Variants in ADARB2 observed in about 807,000 individuals in gnomAD.
ADARB2 encodes adenosine deaminase RNA specific B2 (inactive).
Under a neutral mutation model 62.2 loss-of-function variants are expected in ADARB2, and 25 were observed. The observed-to-expected ratio is 0.40, with a 90% CI of 0.29 to 0.56. The LOEUF is 0.56. Among genes scored for constraint, ADARB2 ranks in the 20% least tolerant of loss-of-function variants. The probability of loss-of-function intolerance (pLI) is 0.43; values close to 1 mark genes in which losing one functional copy is unlikely to be tolerated. For missense variants in ADARB2, 1,071 were observed against 1,077.4 expected (o/e 0.99, Z 0.08); for synonymous variants, 572 against 500.8 (o/e 1.14, Z -1.90).
intron 1 of ADARB2, among the ~76,000 whole-genome samples, chr10:1,582,926 T>C (rs1322336132): frequency 1.3e-5 from 2 of 152,326 alleles, no homozygotes; most frequent in East Asian, 3.9e-4. Flanking sequence ...TTAATGACAC[T>C]ACAGAGCAGT....
chr10:1,332,993 C>A (rs924087613), intron 3 of ADARB2, among the ~76,000 whole-genome samples: 41 of 152,220 alleles, frequency 2.7e-4, no homozygotes, highest in African/African-American at 7.0e-4. Context: ...TGACAACCTT[C>A]CTCTGTTAGC....
chr10:1,620,038 C>G (rs1333911322), intron 1 of ADARB2, among the ~76,000 whole-genome samples: 3 of 152,014 alleles, frequency 2.0e-5, no homozygotes, highest in Non-Finnish European at 4.4e-5. Context: ...TGGGGTGCAA[C>G]TAAGACAGTA....
chr10:1,420,281 G>C (rs557534017), intron 1 of ADARB2, among the ~76,000 whole-genome samples: 1 of 152,316 alleles, frequency 6.6e-6, no homozygotes, highest in Non-Finnish European at 1.5e-5. Context: ...TACTTTGTAA[G>C]TATTTTTACA....
intron 3 of ADARB2, among the ~76,000 whole-genome samples, chr10:1,333,928 C>A (rs1564260331): frequency 6.6e-6 from 1 of 152,236 alleles, no homozygotes; most frequent in Non-Finnish European, 1.5e-5. Context: ...TCAAAGAAAA[C>A]AGACATCAAG....
intron 6 of ADARB2, among the ~76,000 whole-genome samples, chr10:1,223,115 T>C (rs1273732261): frequency 6.6e-6 from 1 of 152,214 alleles, no homozygotes; most frequent in Non-Finnish European, 1.5e-5. Context: ...GTAGTTCTCC[T>C]TGAAGAGGTC....
chr10:1,468,705 G>C (rs1254689350), intron 1 of ADARB2, among the ~76,000 whole-genome samples: 1 of 152,174 alleles, frequency 6.6e-6, no homozygotes, highest in African/African-American at 2.4e-5. Context: ...AAGGACAAGT[G>C]GTGCCTTCCT....
chr10:1,298,761 T>A (rs1297407517), intron 3 of ADARB2, among the ~76,000 whole-genome samples: 2 of 58,178 alleles, frequency 3.4e-5, no homozygotes, highest in Non-Finnish European at 6.9e-5. Flanking sequence ...TTTTTTTTTT[T>A]TTTTTTTTTT....
At position 1,576,357 on chromosome 10, in the gene ADARB2, G is replaced by A. The variant is rs148140893; in HGVS notation, c.100+160694C>T. Among the ~76,000 whole-genome samples the A allele has an allele frequency of 3.2e-3, 486 of 150,206 alleles. 4 individuals carry two copies. Among genetic ancestry groups the A allele is most frequent in the Non-Finnish European group, 4.8e-3 (322 of 67,376 alleles). On this transcript the variant is annotated intron_variant, in intron 1 of 9. Transcript: ENST00000381312. ...CACAGGATGGGTCTCAGGGTCACAG[G>A]AAGTGGCTTAGGGTCACAGGAGGGG...
intron 3 of ADARB2, among the ~76,000 whole-genome samples, chr10:1,277,973 C>G (rs1017629970): frequency 5.0e-5 from 7 of 138,966 alleles, no homozygotes; most frequent in African/African-American, 1.8e-4. Context: ...CTCTCTCTTT[C>G]TTTTTTTCCT....
chr10:1,438,595 A>G, intron 1 of ADARB2, among the ~76,000 whole-genome samples: 2 of 141,418 alleles, frequency 1.4e-5, no homozygotes, highest in African/African-American at 2.7e-5. Context: ...TCTCCTCAGC[A>G]GATGGAGGCA....
intron 3 of ADARB2, among the ~76,000 whole-genome samples, chr10:1,288,353 C>G (rs746874615): frequency 6.6e-6 from 1 of 152,216 alleles, no homozygotes; most frequent in African/African-American, 2.4e-5. Context: ...TAAATGGCAG[C>G]TGACATTTCT....
chr10:1,372,071 T>C (rs1832377427), intron 2 of ADARB2, among the ~76,000 whole-genome samples: 1 of 152,050 alleles, frequency 6.6e-6, no homozygotes, highest in Non-Finnish European at 1.5e-5. Flanking sequence ...TAAATATCCA[T>C]CAACAGTGGA....
At chr10:1,463,400 C>G (rs770294070) in intron 1 of ADARB2, among the ~76,000 whole-genome samples, 1 of 152,162 alleles carries the variant, frequency 6.6e-6, no homozygotes, top group South Asian at 2.1e-4. Flanking sequence ...CAAAGAGGAG[C>G]GTGTCCTGGT....
intron 1 of ADARB2, among the ~76,000 whole-genome samples, chr10:1,620,077 T>C (rs1340596768): frequency 6.6e-6 from 1 of 152,104 alleles, no homozygotes; most frequent in African/African-American, 2.4e-5. Flanking sequence ...TAAACACCTA[T>C]ATCAGAAAGA....
At chr10:1,473,077 T>A (rs1194034860) in intron 1 of ADARB2, among the ~76,000 whole-genome samples, 1 of 152,146 alleles carries the variant, frequency 6.6e-6, no homozygotes, top group East Asian at 1.9e-4. Flanking sequence ...GGAAGGAACG[T>A]GGGGCCCTGG....
chr10:1,646,641 G>T, intron 1 of ADARB2, among the ~76,000 whole-genome samples: 1 of 152,366 alleles, frequency 6.6e-6, no homozygotes, highest in African/African-American at 2.4e-5. Flanking sequence ...CAGGGCTCTG[G>T]ACTCAAATCC....
At chr10:1,540,808 T>C (rs1274846412) in intron 1 of ADARB2, among the ~76,000 whole-genome samples, 52 of 32,144 alleles carry the variant, frequency 1.6e-3, no homozygotes, top group East Asian at 4.1e-3. Context: ...ATCACAGCCA[T>C]CCAGACCCCA....
intron 6 of ADARB2, among the ~76,000 whole-genome samples, chr10:1,229,867 TGG>T (rs879437397): frequency 1.3e-5 from 2 of 151,956 alleles, no homozygotes; most frequent in Non-Finnish European, 2.9e-5. Flanking sequence ...TGTGTGTGTG[TGG>T]GTATATATGT....
At chr10:1,636,923 A>G (rs1396514480) in intron 1 of ADARB2, among the ~76,000 whole-genome samples, 1 of 149,974 alleles carries the variant, frequency 6.7e-6, no homozygotes, top group Admixed American at 6.7e-5. Flanking sequence ...GAATATATAT[A>G]ATATCTCTCT....
Sources: gnomAD v4.1 joint callset for allele counts (sites outside exome capture counted in the v4.1 genomes callset) on GRCh38, gnomAD v4.1.1 for gene constraint, MANE v1.5 for transcripts, NCBI Gene and HGNC (gene_info 2026-07-23, HGNC 2026-07-21) for gene names.